GRM7: variants seen among roughly 807,000 people sequenced by gnomAD.
The protein encoded by GRM7 is metabotropic glutamate receptor 7.
GRM7 carries 35 observed loss-of-function variants against 84.5 expected under a neutral mutation model. The ratio of observed to expected loss-of-function variants is 0.41; its 90% CI spans 0.32 to 0.55. GRM7 has a LOEUF of 0.55. Ranked by LOEUF, GRM7 falls within the 20% of genes least tolerant of loss-of-function variation. The pLI is 0.19. For missense variants in GRM7, 1,003 were observed against 1,194.6 expected, an observed-to-expected ratio of 0.84 and a Z score of 2.36; for synonymous variants, 487 against 455.1, an observed-to-expected ratio of 1.07 and a Z score of -0.89.
intron 4 of GRM7, among the ~76,000 whole-genome samples, chr3:7,320,149 T>G (rs1334955274): frequency 1.3e-5 from 2 of 152,030 alleles, no homozygotes; most frequent in Non-Finnish European, 2.9e-5. Context: ...GTACAGTACC[T>G]GTGTTTGTGT....
chr3:7,282,047 C>T (rs1223410049), intron 2 of GRM7, among the ~76,000 whole-genome samples: 2 of 152,140 alleles, frequency 1.3e-5, no homozygotes, highest in African/African-American at 4.8e-5. Context: ...TGCGCCACTG[C>T]ACTCCAGCCT....
chr3:7,497,495 C>T (rs192864417), intron 7 of GRM7, among the ~76,000 whole-genome samples: 37 of 152,178 alleles, frequency 2.4e-4, no homozygotes, highest in South Asian at 1.2e-3. Context: ...GGTTTCAGTG[C>T]GTGGCTCGAT....
At chr3:7,231,685 T>G (rs538611326) in intron 2 of GRM7, among the ~76,000 whole-genome samples, 2 of 152,318 alleles carry the variant, frequency 1.3e-5, no homozygotes, top group South Asian at 4.1e-4. Flanking sequence ...TCACAACATC[T>G]CTATGAGATA....
At chr3:7,346,559 T>C (rs1473778938) in intron 4 of GRM7, among the ~76,000 whole-genome samples, 1 of 152,138 alleles carries the variant, frequency 6.6e-6, no homozygotes, top group Non-Finnish European at 1.5e-5. Context: ...CTCCCAGGGA[T>C]GCCTAGCTAT....
chr3:7,169,278 G>A (rs752467372), intron 2 of GRM7, among the ~76,000 whole-genome samples: 17 of 152,096 alleles, frequency 1.1e-4, no homozygotes, highest in Non-Finnish European at 1.9e-4. Flanking sequence ...CTATACCACA[G>A]TGTATCCATT....
intron 7 of GRM7, among the ~76,000 whole-genome samples, chr3:7,512,592 T>G (rs1393695018): frequency 6.6e-6 from 1 of 151,148 alleles, no homozygotes; most frequent in Non-Finnish European, 1.5e-5. Flanking sequence ...TTAGATTTTT[T>G]TTTTTTTTTT....
intron 2 of GRM7, among the ~76,000 whole-genome samples, chr3:7,201,311 G>C (rs1041493921): frequency 6.6e-6 from 1 of 151,962 alleles, no homozygotes; most frequent in Non-Finnish European, 1.5e-5. Context: ...AGTTTGATTT[G>C]CTTCTAATGG....
intron 1 of GRM7, among the ~76,000 whole-genome samples, chr3:7,096,395 A>G (rs895310518): frequency 3.3e-5 from 5 of 152,126 alleles, no homozygotes; most frequent in African/African-American, 9.7e-5. Flanking sequence ...AGGTTTGACA[A>G]TCCTCTGCAA....
At chr3:7,639,429 T>C (rs1559456453) in intron 8 of GRM7, among the ~76,000 whole-genome samples, 2 of 152,176 alleles carry the variant, frequency 1.3e-5, no homozygotes, top group East Asian at 1.9e-4. Flanking sequence ...ATTGCAAGTA[T>C]TTCCTTTCAC....
intron 1 of GRM7, among the ~76,000 whole-genome samples, chr3:6,909,527 G>A (rs1018805863): frequency 1.3e-5 from 2 of 152,124 alleles, no homozygotes; most frequent in African/African-American, 4.8e-5. Context: ...TAAGATCTCA[G>A]AAATGTTAGT....
intron 2 of GRM7, among the ~76,000 whole-genome samples, chr3:7,174,442 C>G (rs1048502129): frequency 6.6e-6 from 1 of 152,104 alleles, no homozygotes; most frequent in African/African-American, 2.4e-5. Flanking sequence ...GGTTTCAATC[C>G]CAGCTCTCAT....
intron 7 of GRM7, among the ~76,000 whole-genome samples, chr3:7,490,091 C>A (rs1195626243): frequency 6.6e-6 from 1 of 151,900 alleles, no homozygotes; most frequent in Non-Finnish European, 1.5e-5. Context: ...GAAAAGATAT[C>A]AATTGAATTT....
At chr3:7,365,521 T>C (rs1453317437) in intron 4 of GRM7, among the ~76,000 whole-genome samples, 1 of 151,418 alleles carries the variant, frequency 6.6e-6, no homozygotes, top group Non-Finnish European at 1.5e-5. Flanking sequence ...TTCTTTTTAA[T>C]AGATTCCTTC....
At chr3:7,305,692 C>T (rs1468575356) in intron 3 of GRM7, among the ~76,000 whole-genome samples, 2 of 151,802 alleles carry the variant, frequency 1.3e-5, no homozygotes, top group Non-Finnish European at 1.5e-5. Context: ...GTAGAACTGG[C>T]CTTTGTCAGC....
chr3:7,435,119 C>A (rs557943838), intron 5 of GRM7, among the ~76,000 whole-genome samples: 2 of 151,318 alleles, frequency 1.3e-5, no homozygotes, highest in African/African-American at 4.8e-5. Flanking sequence ...TATTTAGTGT[C>A]TGTTGCATCT....
At chr3:6,885,711 T>C (rs945008309) in intron 1 of GRM7, among the ~76,000 whole-genome samples, 3 of 152,224 alleles carry the variant, frequency 2.0e-5, no homozygotes, top group Non-Finnish European at 4.4e-5. Context: ...GTGTTGGAAA[T>C]TGAGAGACCT....
chr3:7,481,207 T>C (rs1251021036), intron 7 of GRM7, among the ~76,000 whole-genome samples: 1 of 152,126 alleles, frequency 6.6e-6, no homozygotes, highest in Non-Finnish European at 1.5e-5. Context: ...ACCTCTCAAG[T>C]AGCTGGGACT....
chr3:6,982,123 G>T (rs1040556278), intron 1 of GRM7, among the ~76,000 whole-genome samples: 1 of 152,132 alleles, frequency 6.6e-6, no homozygotes, highest in Non-Finnish European at 1.5e-5. Context: ...CCATAAAAAA[G>T]AACAAAATCA....
chr3:7,307,380 C>G (rs537526496), intron 4 of GRM7, among the ~76,000 whole-genome samples: 14 of 152,212 alleles, frequency 9.2e-5, no homozygotes, highest in African/African-American at 3.4e-4. Context: ...CTGCTGATAG[C>G]CTGCTTTGTG....
Sources: allele counts gnomAD v4.1 joint callset (sites outside exome capture counted in the v4.1 genomes callset), GRCh38; gene constraint gnomAD v4.1.1; transcripts MANE v1.5; gene names NCBI Gene and HGNC (gene_info 2026-07-23, HGNC 2026-07-21).